PGAP4: variants seen among roughly 807,000 people sequenced by gnomAD.
PGAP4 encodes post-GPI attachment to proteins GalNAc transferase 4.
In PGAP4, 12 loss-of-function variants were observed where a neutral mutation model predicts 28.2. That is an observed-to-expected ratio of 0.42 (90% CI 0.27 to 0.69). The LOEUF is 0.69. Ranked by LOEUF, PGAP4 falls within the 30% of genes least tolerant of loss-of-function variation. PGAP4 has a pLI of 0.22. For synonymous variants in PGAP4, 205 were observed against 211.8 expected (o/e 0.97, Z 0.28); for missense variants, 425 against 513.5 (o/e 0.83, Z 1.67).
Position 101,493,994 on chromosome 9 carries a change from T to C in PGAP4, c.-164-4794A>G, listed in dbSNP as rs189197873. Among the ~76,000 whole-genome samples the C allele has an allele frequency of 3.2e-3, 487 of 152,136 alleles. 2 individuals carry two copies. The highest frequency in any genetic ancestry group is 6.2e-3 in the Non-Finnish European group (421 of 67,930). On this transcript the variant is annotated intron_variant, in intron 2 of 3. Coordinates refer to the PGAP4 transcript ENST00000374851. ...GTATCATAGGGTTTTTTTAAAGAAA[T>C]ATAATTTTATTTTTTAAAATATTGA... is the stretch of plus-strand genomic sequence containing the variant.
At chr9:101,523,176 AC>A (rs146987789) in intron 2 of PGAP4, among the ~76,000 whole-genome samples, 23,318 of 152,042 alleles carry the variant, frequency 0.15, 2,370 homozygotes, top group East Asian at 0.36. Context: ...CTTCGTCTTA[AC>A]TTTGGATAAC....
At chr9:101,480,934 T>C (rs1198294282) in intron 1 of PGAP4, among the ~76,000 whole-genome samples, 1 of 152,122 alleles carries the variant, frequency 6.6e-6, no homozygotes, top group Non-Finnish European at 1.5e-5. Context: ...CCCAGCACTT[T>C]AGGAGGCTGA....
chr9:101,494,927 C>A (rs1185736470), intron 2 of PGAP4, among the ~76,000 whole-genome samples: 2 of 150,140 alleles, frequency 1.3e-5, no homozygotes, highest in Non-Finnish European at 3.0e-5. Flanking sequence ...ACCTGAATAG[C>A]ATATTTATAT....
chr9:101,502,892 A>G (rs1426012352), intron 2 of PGAP4, among the ~76,000 whole-genome samples: 2 of 151,912 alleles, frequency 1.3e-5, no homozygotes, highest in Non-Finnish European at 2.9e-5. Flanking sequence ...CCTTTTTTTC[A>G]TGGGGAATGG....
At chr9:101,482,668 A>G (rs1401346860) in intron 1 of PGAP4, among the ~76,000 whole-genome samples, 1 of 152,160 alleles carries the variant, frequency 6.6e-6, no homozygotes, top group Admixed American at 6.5e-5. Context: ...TCCCAGCTGC[A>G]TTTTTGCTCC....
intron 2 of PGAP4, among the ~76,000 whole-genome samples, chr9:101,514,857 T>C (rs1826930122): frequency 6.6e-6 from 1 of 152,176 alleles, no homozygotes; most frequent in African/African-American, 2.4e-5. Context: ...CATGACTTTA[T>C]ACTGATGTGG....
chr9:101,506,863 A>G (rs1370357720), intron 2 of PGAP4, among the ~76,000 whole-genome samples: 1 of 152,054 alleles, frequency 6.6e-6, no homozygotes. Flanking sequence ...GTAACTCCCC[A>G]GTCTTCCCTG....
chr9:101,503,460 T>G (rs953891392), intron 2 of PGAP4, among the ~76,000 whole-genome samples: 1 of 152,110 alleles, frequency 6.6e-6, no homozygotes, highest in Non-Finnish European at 1.5e-5. Context: ...ACTCAGTTTG[T>G]TAAAATCATA....
chr9:101,525,276 T>C (rs1279716800), intron 2 of PGAP4, among the ~76,000 whole-genome samples: 1 of 152,218 alleles, frequency 6.6e-6, no homozygotes, highest in African/African-American at 2.4e-5. Context: ...CATATTTATT[T>C]ACACGTAAAT....
chr9:101,510,861 T>C (rs1826891842), intron 2 of PGAP4, among the ~76,000 whole-genome samples: 1 of 152,102 alleles, frequency 6.6e-6, no homozygotes, highest in South Asian at 2.1e-4. Context: ...AGCTATACAA[T>C]TGAAGTACCT....
At chr9:101,484,662 A>C (rs1237571147) in intron 1 of PGAP4, among the ~76,000 whole-genome samples, 2 of 152,248 alleles carry the variant, frequency 1.3e-5, no homozygotes, top group African/African-American at 4.8e-5. Context: ...TGTAAACCGG[A>C]AAGAGAGCCC....
intron 2 of PGAP4, chr9:101,501,942 T>C (rs1826805825): frequency 3.0e-6 from 1 of 337,772 alleles, no homozygotes; most frequent in Admixed American, 3.7e-5. Flanking sequence ...CACCAGGCCC[T>C]GGGCTAAGTA....
chr9:101,533,228 T>A, exon 1 of PGAP4: 1 of 152,250 alleles, frequency 6.6e-6, no homozygotes, highest in East Asian at 1.9e-4. Flanking sequence ...TCACTCCTGC[T>A]TACGCATTAG....
At chr9:101,505,097 C>T (rs1753896425) in intron 2 of PGAP4, among the ~76,000 whole-genome samples, 2 of 152,092 alleles carry the variant, frequency 1.3e-5, no homozygotes, top group Non-Finnish European at 2.9e-5. Flanking sequence ...ACCCAAGTTT[C>T]AATGTAAAAA....
chr9:101,526,622 T>A (rs1399421865), intron 2 of PGAP4, among the ~76,000 whole-genome samples: 1 of 151,990 alleles, frequency 6.6e-6, no homozygotes, highest in Non-Finnish European at 1.5e-5. Flanking sequence ...GCTAATTTTG[T>A]GTATTTAGTA....
rs751437622 is a variant in PGAP4 at position 101,486,429 on chromosome 9, C to T, written c.-78+520G>A. Among the ~76,000 whole-genome samples, 1 of 152,218 alleles carries T rather than the reference C, an allele frequency of 6.6e-6. No homozygotes were observed. Among genetic ancestry groups the T allele is most frequent in the Non-Finnish European group, 1.5e-5 (1 of 68,034 alleles). On this transcript the variant is annotated intron_variant, in intron 1 of 1. Transcript: ENST00000374848. This position sits in a 1 kb window ranked among gnomAD's most constrained non-coding sequence, Gnocchi z 4.7. ...TGGCTGCGAGGTCGCCCGCAGAAACCCAACACTGCTGCCGCGCTCTCGGCG... is the reference window on the plus strand; with the variant it reads ...TGGCTGCGAGGTCGCCCGCAGAAACTCAACACTGCTGCCGCGCTCTCGGCG...
At chr9:101,520,400 T>G (rs181661724) in intron 2 of PGAP4, among the ~76,000 whole-genome samples, 1 of 152,200 alleles carries the variant, frequency 6.6e-6, no homozygotes, top group African/African-American at 2.4e-5. Context: ...CAGTGTTTTA[T>G]AATTTTCCTT....
rs928839400 is a variant in PGAP4 at position 101,486,493 on chromosome 9, C to G, written c.-78+456G>C. ...TAAGGTGTGGACGCGCCGCGAGGGT[C>G]CCCTGCTTGCGGGCGGCCATTAGGC... is the stretch of plus-strand genomic sequence containing the variant. On this transcript the variant is annotated intron_variant, in intron 1 of 1. Coordinates refer to ENST00000374848, the MANE Select transcript of PGAP4 (RefSeq NM_032342.3). The surrounding 1 kb of genome is among the most constrained non-coding windows in gnomAD (Gnocchi z 4.7). Among the ~76,000 whole-genome samples, 3 of 152,192 alleles carry G rather than the reference C, an allele frequency of 2.0e-5. No individual in the cohort carries two copies. Among genetic ancestry groups the G allele is most frequent in the Non-Finnish European group, 2.9e-5 (2 of 68,038 alleles).
intron 2 of PGAP4, among the ~76,000 whole-genome samples, chr9:101,514,695 G>A (rs777109727): frequency 1.2e-4 from 19 of 152,064 alleles, no homozygotes; most frequent in Admixed American, 3.3e-4. Flanking sequence ...AGTTGGGTTG[G>A]GGGCAGAGTG....
Sources: gnomAD v4.1 joint callset for allele counts (sites outside exome capture counted in the v4.1 genomes callset) on GRCh38, gnomAD v4.1.1 for gene constraint, Gnocchi (gnomAD v3.1) non-coding constraint, MANE v1.5 for transcripts, NCBI Gene and HGNC (gene_info 2026-07-23, HGNC 2026-07-21) for gene names.